The following SAMD12 variants were observed in gnomAD, a reference collection of about 807,000 sequenced individuals.
The protein encoded by SAMD12 is sterile alpha motif domain containing 12, also known as sterile alpha motif domain-containing protein 12.
SAMD12 carries 9 observed loss-of-function variants against 15.0 expected under a neutral mutation model. The ratio of observed to expected loss-of-function variants is 0.60; its 90% confidence interval spans 0.36 to 1.05. The LOEUF (loss-of-function observed/expected upper bound fraction) is 1.05. SAMD12 is among the 50% of genes least tolerant of loss of function. SAMD12 has a pLI of 0.01. For missense variants in SAMD12, 230 were observed against 234.2 expected, an observed-to-expected ratio of 0.98 and a Z score of 0.12; for synonymous variants, 86 against 90.1, an observed-to-expected ratio of 0.96 and a Z score of 0.25.
At chr8:118,264,938 C>G (rs112117561) in intron 4 of SAMD12, among the ~76,000 whole-genome samples, 8 of 152,104 alleles carry the variant, frequency 5.3e-5, no homozygotes, top group Admixed American at 1.3e-4. Flanking sequence ...TCTTATCCTG[C>G]GAAGGGCAGG....
chr8:118,224,092 A>G (rs1250473247), intron 4 of SAMD12, among the ~76,000 whole-genome samples: 1 of 152,234 alleles, frequency 6.6e-6, no homozygotes, highest in Non-Finnish European at 1.5e-5. Flanking sequence ...GACAATAAAC[A>G]AAACACACAA....
At chr8:118,566,647 G>A (rs780680028) in intron 2 of SAMD12, among the ~76,000 whole-genome samples, 3 of 152,050 alleles carry the variant, frequency 2.0e-5, no homozygotes, top group African/African-American at 4.8e-5. Context: ...GGTCATAAAC[G>A]AAACTGCCCA....
chr8:118,168,537 T>C, the SAMD12 span, among the ~76,000 whole-genome samples: 6 of 152,202 alleles, frequency 3.9e-5, no homozygotes, highest in African/African-American at 1.4e-4. Flanking sequence ...ATTCTCCTCA[T>C]TACATTCTGA....
At chr8:118,255,126 C>A (rs1482465558) in intron 4 of SAMD12, among the ~76,000 whole-genome samples, 1 of 151,890 alleles carries the variant, frequency 6.6e-6, no homozygotes, top group Non-Finnish European at 1.5e-5. Context: ...CCAATACAGA[C>A]CGTGGGGGCA....
At chr8:118,548,607 A>ACTTCTG (rs899136344) in intron 2 of SAMD12, among the ~76,000 whole-genome samples, 51 of 152,330 alleles carry the variant, frequency 3.3e-4, no homozygotes, top group African/African-American at 1.2e-3. Context: ...GACGCAGAAG[A>ACTTCTG]CGGGTGATTT....
chr8:118,508,531 AT>A (rs1824987535), intron 2 of SAMD12, among the ~76,000 whole-genome samples: 2 of 152,324 alleles, frequency 1.3e-5, no homozygotes, highest in South Asian at 4.1e-4. Context: ...GTCATTTCAA[AT>A]TACCCATGAT....
intron 4 of SAMD12, among the ~76,000 whole-genome samples, chr8:118,223,237 T>G (rs763904550): frequency 7.2e-5 from 11 of 152,210 alleles, no homozygotes; most frequent in Non-Finnish European, 1.6e-4. Context: ...CCCTTTTATC[T>G]TAATACACTC....
chr8:118,456,589 T>G (rs1473437479), intron 2 of SAMD12, among the ~76,000 whole-genome samples: 4 of 152,226 alleles, frequency 2.6e-5, no homozygotes, highest in African/African-American at 9.6e-5. Context: ...TATCTGTTCC[T>G]GTTCCAATTT....
rs1001747182 is a variant in SAMD12 at position 118,319,459 on chromosome 8, G to A, written c.433+60101C>T. 1.3e-3 allele frequency among the ~76,000 whole-genome samples: 203 copies of A among 152,308 alleles called. 1 individual carries two copies. Among genetic ancestry groups the A allele is most frequent in the Non-Finnish European group, 1.9e-4 (13 of 68,034 alleles). On this transcript the variant is annotated intron_variant, in intron 4 of 4. Coordinates refer to the SAMD12 transcript ENST00000409003. ...TGTTTTTCAACATGCTCCACTCTGA[G>A]AAGGAGAGGAAACCACTAACATTTG...
At chr8:118,270,998 G>C (rs1053224995) in intron 4 of SAMD12, among the ~76,000 whole-genome samples, 6 of 152,178 alleles carry the variant, frequency 3.9e-5, no homozygotes, top group African/African-American at 1.4e-4. Flanking sequence ...ACCAAATGGA[G>C]CATGGGGAAG....
At chr8:118,439,497 T>C (rs892424530) in intron 3 of SAMD12, among the ~76,000 whole-genome samples, 23 of 152,014 alleles carry the variant, frequency 1.5e-4, no homozygotes, top group Non-Finnish European at 5.9e-5. Context: ...AAGATCTACA[T>C]AGTGATCCTG....
At chr8:118,619,396 G>C (rs901086564) in intron 1 of SAMD12, among the ~76,000 whole-genome samples, 2 of 149,738 alleles carry the variant, frequency 1.3e-5, no homozygotes, top group Admixed American at 6.7e-5. Flanking sequence ...GGAGAATGGC[G>C]TGAACCTGGG....
At chr8:118,209,760 A>G (rs191267385) in intron 4 of SAMD12, among the ~76,000 whole-genome samples, 157 of 152,284 alleles carry the variant, frequency 1.0e-3, no homozygotes, top group African/African-American at 3.6e-3. Flanking sequence ...AACCTTATTT[A>G]TTTCTTGCTT....
In SAMD12 at chr8:118,441,439, A is replaced by G. The variant is rs530026920; in HGVS notation, c.193-1478T>C. Reference sequence around the variant, plus strand: ...ATACGGAAGCGATTCAAGGTTGGAAAGCACAATGCTCAGGTGTTTTTTTTT... The same window carrying G: ...ATACGGAAGCGATTCAAGGTTGGAAGGCACAATGCTCAGGTGTTTTTTTTT... On this transcript the variant is annotated intron_variant, in intron 2 of 3. Coordinates refer to ENST00000314727, the MANE Select transcript of SAMD12 (RefSeq NM_207506.3). Among the ~76,000 whole-genome samples the G allele has an allele frequency of 1.4e-3, 190 of 132,532 alleles. 1 individual carries two copies. Among genetic ancestry groups the G allele is most frequent in the Middle Eastern group, 3.7e-3 (1 of 268 alleles). The allele number at this position is 132,532 out of a possible 152,430, so 86.9% of individuals were successfully genotyped here.
intron 2 of SAMD12, among the ~76,000 whole-genome samples, chr8:118,574,627 T>C (rs533016877): frequency 2.6e-5 from 4 of 152,356 alleles, no homozygotes; most frequent in Admixed American, 2.0e-4. Context: ...ATGTTAGTAA[T>C]AAAAGCTTAC....
Position 118,601,321 on chromosome 8 carries a change from G to A in SAMD12, c.14-20428C>T, listed in dbSNP as rs537147364. ...GATATTACCAGAATATATTAAATTA[G>A]GTTAAAATTACTTTAGGTTTACAAA... On this transcript the variant is annotated intron_variant, in intron 1 of 3. Transcript: ENST00000314727. Among the ~76,000 whole-genome samples the A allele has an allele frequency of 9.8e-4, 149 of 152,108 alleles. 1 individual carries two copies. The highest frequency in any genetic ancestry group is 3.4e-3 in the African/African-American group (143 of 41,484).
intron 4 of SAMD12, among the ~76,000 whole-genome samples, chr8:118,251,493 GC>G (rs1228535184): frequency 6.6e-6 from 1 of 151,960 alleles, no homozygotes; most frequent in Non-Finnish European, 1.5e-5. Context: ...GTCTTTTTAC[GC>G]CCCCACCTTT....
chr8:118,488,690 G>A (rs995009652), intron 2 of SAMD12, among the ~76,000 whole-genome samples: 2 of 152,022 alleles, frequency 1.3e-5, no homozygotes, highest in African/African-American at 2.4e-5. Context: ...TTACACGCAC[G>A]AGTAATTCAT....
chr8:118,210,390 A>G (rs1420243485), intron 4 of SAMD12, among the ~76,000 whole-genome samples: 1 of 152,168 alleles, frequency 6.6e-6, no homozygotes, highest in Non-Finnish European at 1.5e-5. Flanking sequence ...CCACCTCCCT[A>G]AGGAAGTGTA....
Sources: allele counts gnomAD v4.1 joint callset (sites outside exome capture counted in the v4.1 genomes callset), GRCh38; gene constraint gnomAD v4.1.1; transcripts MANE v1.5; gene names NCBI Gene and HGNC (gene_info 2026-07-23, HGNC 2026-07-21).